USP19: variants seen among roughly 807,000 people sequenced by gnomAD.
USP19 encodes the protein ubiquitin carboxyl-terminal hydrolase 19.
USP19 carries 40 observed loss-of-function variants against 144.8 expected under a neutral mutation model. The observed-to-expected ratio is 0.28, with a 90% confidence interval of 0.21 to 0.36. The LOEUF (loss-of-function observed/expected upper bound fraction) is 0.36, where lower values mean the gene tolerates loss of function less well. Ranked by LOEUF, USP19 falls within the 10% of genes least tolerant of loss-of-function variation. The pLI, the probability that USP19 is intolerant of heterozygous loss-of-function variation, is 1.00. For missense variants in USP19, 1,518 were observed against 1,822.5 expected (o/e 0.83, Z 3.04); for synonymous variants, 701 against 709.3 (o/e 0.99, Z 0.19).
In USP19 at chr3:49,114,084, T is replaced by C; in HGVS notation, c.2413A>G (p.Ser805Gly). The change falls in exon 17 of 27, where the codon AGC becomes GGC. Residue 805 changes from serine (S) to glycine (G), a missense_variant. Around this residue, in one of 5 missense-constraint regions of USP19, gnomAD observed 413 missense variants for 515.8 expected, o/e 0.80. Transcript: ENST00000417901. The surrounding 1 kb of genome is among the most constrained non-coding windows in gnomAD (Gnocchi z 4.5). Reference protein sequence around the residue: ...PHSKPIKFLVSVSKENSTASE... With the variant: ...PHSKPIKFLVGVSKENSTASE... ...GCAGTGGAGTTCTCCTTGCTGACGCTCACCAGGAACTGTGGCAAAAAGGGC... is the reference window on the plus strand; with the variant it reads ...GCAGTGGAGTTCTCCTTGCTGACGCCCACCAGGAACTGTGGCAAAAAGGGC... 1 of 1,614,194 alleles carries C rather than the reference T, an allele frequency of 6.2e-7. No individual in the cohort carries two copies. The highest frequency in any genetic ancestry group is 8.5e-7 in the Non-Finnish European group (1 of 1,180,042).
chr3:49,120,440 C>A (rs1261524747), intron 1 of USP19: 1 of 152,242 alleles, frequency 6.6e-6, no homozygotes, highest in African/African-American at 2.4e-5. Flanking sequence ...CCCGAGCCGG[C>A]CTGAAATGGC....
At position 49,119,111 on chromosome 3, in the gene USP19, C is replaced by G. The variant is rs367787525; in HGVS notation, c.35G>C (p.Arg12Thr). 1 of 1,613,796 alleles carries G rather than the reference C, an allele frequency of 6.2e-7. No homozygotes were observed. Among genetic ancestry groups the G allele is most frequent in the African/African-American group, 1.3e-5 (1 of 75,058 alleles). The change falls in exon 2 of 27, where the codon AGA becomes ACA. Residue 12 changes from arginine (R) to threonine (T), a missense_variant. Arg to Thr is a moderately conservative substitution (Grantham distance 71). Coordinates refer to ENST00000417901, the MANE Select transcript of USP19 (RefSeq NM_001199161.2). Reference protein sequence around the residue: ...SGGASATGPRRGPPGLEDTTS... With the variant: ...SGGASATGPRTGPPGLEDTTS... ...GGTGTCCTCCAGTCCTGGGGGCCCT[C>G]TCCTTGGGCCTGTGGCACTGGCCCC...
At position 49,108,901 on chromosome 3, in the gene USP19, A is replaced by G; in HGVS notation, c.4039-373T>C. The G allele has an allele frequency of 6.5e-7, 1 of 1,547,592 alleles. No individual in the cohort carries two copies. The highest frequency in any genetic ancestry group is 8.7e-7 in the Non-Finnish European group (1 of 1,146,766). ...CAGAGGTGTTCCCCACAACAAAGGCAGGCATGGCCTGGGGCAGGCAGGTAG... is the reference window on the plus strand; with the variant it reads ...CAGAGGTGTTCCCCACAACAAAGGCGGGCATGGCCTGGGGCAGGCAGGTAG... On this transcript the variant is annotated intron_variant, in intron 26 of 26. Coordinates refer to ENST00000417901, the MANE Select transcript of USP19 (RefSeq NM_001199161.2). The surrounding 1 kb of genome is among the most constrained non-coding windows in gnomAD (Gnocchi z 4.8).
Position 49,115,436 on chromosome 3 carries a change from G to A in USP19, c.1888+8C>T. ...GCCCATAACCCAGGCTCCAGGCCCT[G>A]CCCTCACCATGGAAGAAGTCCCGGA... On this transcript the variant is annotated splice_region_variant and intron_variant, in intron 12 of 26. Coordinates refer to ENST00000417901, the MANE Select transcript of USP19 (RefSeq NM_001199161.2). The surrounding 1 kb of genome is among the most constrained non-coding windows in gnomAD (Gnocchi z 6.6). The A allele has an allele frequency of 6.8e-6, 11 of 1,613,910 alleles. No homozygotes were observed. The highest frequency in any genetic ancestry group is 9.3e-6 in the Non-Finnish European group (11 of 1,179,756).
rs772480157 is a variant in USP19, at chr3:49,114,999, G to A, written c.2141C>T (p.Pro714Leu). Reference protein sequence around the residue: ...HEDLNRIQNKPYTETVDSDGR... With the variant: ...HEDLNRIQNKLYTETVDSDGR... ...ATCTGAATCCACGGTCTCTGTGTAG[G>A]GCTTGTTCTGAATGCGATTCAGGTC... Residue 714 changes from proline (P) to leucine (L), a missense_variant, in exon 14 of 27, where the codon CCC (proline) becomes CTC (leucine). Around this residue, in one of 5 missense-constraint regions of USP19, gnomAD observed 158 missense variants for 277.3 expected, o/e 0.57. Transcript: ENST00000417901. This position sits in a 1 kb window ranked among gnomAD's most constrained non-coding sequence, Gnocchi z 4.5. 1.9e-6 allele frequency: 3 copies of A among 1,614,084 alleles called. No homozygotes were observed. Among genetic ancestry groups the A allele is most frequent in the Non-Finnish European group, 2.5e-6 (3 of 1,180,014 alleles).
chr3:49,117,114 T>C lies in USP19; in HGVS notation c.854A>G (p.Asp285Gly). 6.5e-7 allele frequency: 1 copy of C among 1,540,670 alleles called. No homozygotes were observed. The highest frequency in any genetic ancestry group is 8.8e-7 in the Non-Finnish European group (1 of 1,141,730). ...GGCATCACCCCGGGGTCCAGGGTCA[T>C]CCCTGGACCCGTCCCCCTCTGGCCC... ...CRGPEGDGSR[D>G]DPGPRGDAPP... The change falls in exon 6 of 27, where the codon GAT (aspartate) becomes GGT (glycine). Residue 285 changes from aspartate to glycine, a missense_variant. Physicochemically the swap from Asp to Gly is moderately conservative, Grantham distance 94 (BLOSUM62 -1). Around this residue, in one of 5 missense-constraint regions of USP19, gnomAD observed 707 missense variants for 728.9 expected, o/e 0.97. Coordinates refer to ENST00000417901, the MANE Select transcript of USP19 (RefSeq NM_001199161.2). The surrounding 1 kb of genome is among the most constrained non-coding windows in gnomAD (Gnocchi z 4.4).
In USP19 at chr3:49,111,265, T is replaced by C. The variant is rs1449494599; in HGVS notation, c.3318A>G (p.Leu1106=). ...CACAGCCTCAGACACCTTTGTCCTCTAGCCGCTGCTCTCGGTTGGATGAAT... is the reference window on the plus strand; with the variant it reads ...CACAGCCTCAGACACCTTTGTCCTCCAGCCGCTGCTCTCGGTTGGATGAAT... ...KIDSSNREQR[L]EDKGDTPLEL... is the part of the protein sequence containing the mutation. Residue 1106 remains leucine, a synonymous_variant, in exon 22 of 27, where the codon CTA becomes CTG. Coordinates refer to ENST00000417901, the MANE Select transcript of USP19 (RefSeq NM_001199161.2). This position sits in a 1 kb window ranked among gnomAD's most constrained non-coding sequence, Gnocchi z 5.9. 1.2e-6 allele frequency: 2 copies of C among 1,614,014 alleles called. No homozygotes were observed. Among genetic ancestry groups the C allele is most frequent in the Non-Finnish European group, 1.7e-6 (2 of 1,180,024 alleles).
At position 49,116,662 on chromosome 3, in the gene USP19, C is replaced by G; in HGVS notation, c.1127-55G>C. Reference sequence around the variant, plus strand: ...CAGGACAGGTTCCAGCCTATTGCTACTCTCTATCCACCTACAAACTTTGCA... The same window carrying G: ...CAGGACAGGTTCCAGCCTATTGCTAGTCTCTATCCACCTACAAACTTTGCA... On this transcript the variant is annotated intron_variant, in intron 7 of 26. Coordinates refer to ENST00000417901, the MANE Select transcript of USP19 (RefSeq NM_001199161.2). This position sits in a 1 kb window ranked among gnomAD's most constrained non-coding sequence, Gnocchi z 5.0. 6.2e-7 allele frequency: 1 copy of G among 1,611,366 alleles called. No homozygotes were observed. The highest frequency in any genetic ancestry group is 1.3e-5 in the African/African-American group (1 of 74,986).
chr3:49,109,731 A>G (rs907841890), intron 26 of USP19, among the ~76,000 whole-genome samples: 3 of 152,222 alleles, frequency 2.0e-5, no homozygotes, highest in Non-Finnish European at 2.9e-5. Flanking sequence ...GCAAAGACAG[A>G]TGCTTACCTC....
intron 1 of USP19, among the ~76,000 whole-genome samples, chr3:49,120,044 T>C (rs974241694): frequency 6.6e-6 from 1 of 152,194 alleles, no homozygotes; most frequent in Non-Finnish European, 1.5e-5. Context: ...CCTTCACTCA[T>C]GAGCTCTGAG....
At position 49,110,918 on chromosome 3, in the gene USP19, G is replaced by GC; in HGVS notation, c.3545+31dup. The GC allele has an allele frequency of 6.2e-7, 1 of 1,613,730 alleles. No homozygotes were observed. ...AGCAAGTCTCTCTCTTCTCCATCCT[G>GC]CCCCCTTATCTACTTGCTGCTCTGT... On this transcript the variant is annotated intron_variant, in intron 23 of 26. Transcript: ENST00000417901. The surrounding 1 kb of genome is among the most constrained non-coding windows in gnomAD (Gnocchi z 6.1).
At chr3:49,109,136 T>A (rs1200966890) in intron 26 of USP19, 6 of 1,527,582 alleles carry the variant, frequency 3.9e-6, no homozygotes, top group Non-Finnish European at 3.5e-6. Flanking sequence ...CCCAGACCCC[T>A]CAGGCACCGG....
Position 49,112,624 on chromosome 3 carries a change from A to G in USP19, c.2511T>C (p.Ile837=). Reference sequence around the variant, plus strand: ...GGAACACACGATGAAAACGATTCTTAATTACCTGGGGACAGAGAACACACA... The same window carrying G: ...GGAACACACGATGAAAACGATTCTTGATTACCTGGGGACAGAGAACACACA... The part of the protein sequence containing the change: ...KPENLRLAEV[I]KNRFHRVFLP... Residue 837 remains isoleucine (I), a synonymous_variant, in exon 18 of 27, where the codon ATT becomes ATC. Coordinates refer to ENST00000417901, the MANE Select transcript of USP19 (RefSeq NM_001199161.2). The surrounding 1 kb of genome is among the most constrained non-coding windows in gnomAD (Gnocchi z 4.9). 1 of 1,612,796 alleles carries G rather than the reference A, an allele frequency of 6.2e-7. No individual in the cohort carries two copies.
In USP19 at chr3:49,116,219, G is replaced by A. The variant is rs2044098638; in HGVS notation, c.1356-57C>T. ...GAGGAATGAGCATCAGGATAGATGA[G>A]CCAGGGAGATGGAGCCCACGGGGTA... On this transcript the variant is annotated intron_variant, in intron 9 of 26. Coordinates refer to ENST00000417901, the MANE Select transcript of USP19 (RefSeq NM_001199161.2). This position sits in a 1 kb window ranked among gnomAD's most constrained non-coding sequence, Gnocchi z 5.0. 3.1e-6 allele frequency: 5 copies of A among 1,613,618 alleles called. No homozygotes were observed. The Admixed American group carries it at 5.0e-5, about 16-fold the overall frequency.
rs769672750 is a variant in USP19 at position 49,117,491 on chromosome 3, G to C, written c.552C>G (p.Leu184=). The part of the protein sequence containing the change: ...CAKVQTRKGS[L]LHLTLPKKVP... ...CCTTTTTGGGCAGTGTCAGGTGCAG[G>C]AGACTGCCCTTGCGGGTTTGCACTT... The change falls in exon 5 of 27, where the codon CTC becomes CTG. Residue 184 remains leucine, a synonymous_variant. Coordinates refer to ENST00000417901, the MANE Select transcript of USP19 (RefSeq NM_001199161.2). The surrounding 1 kb of genome is among the most constrained non-coding windows in gnomAD (Gnocchi z 4.4). 6.2e-7 allele frequency: 1 copy of C among 1,614,176 alleles called. No homozygotes were observed.
At position 49,115,125 on chromosome 3, in the gene USP19, C is replaced by T. The variant is rs915919900; in HGVS notation, c.2023-8G>A. On this transcript the variant is annotated splice_polypyrimidine_tract_variant and splice_region_variant and intron_variant, in intron 13 of 26. Coordinates refer to ENST00000417901, the MANE Select transcript of USP19 (RefSeq NM_001199161.2). This position sits in a 1 kb window ranked among gnomAD's most constrained non-coding sequence, Gnocchi z 6.6. ...CTTACTCGCCACAATGGCCTGGATA[C>T]AGGAGCCAAGGTGTGAACATGAAGC... The T allele has an allele frequency of 6.2e-7, 1 of 1,613,596 alleles. No individual in the cohort carries two copies. The highest frequency in any genetic ancestry group is 1.6e-4 in the Middle Eastern group (1 of 6,062).
chr3:49,116,003 C>T lies in USP19; in HGVS notation c.1471+44G>A. The T allele has an allele frequency of 6.4e-7, 1 of 1,572,746 alleles. No homozygotes were observed. The highest frequency in any genetic ancestry group is 8.6e-7 in the Non-Finnish European group (1 of 1,162,798). ...GCAGCATGTGACAGGGGTTTGGGTCCTGGTCACGTGGAACTGGGCAATGAA... is the reference window on the plus strand; with the variant it reads ...GCAGCATGTGACAGGGGTTTGGGTCTTGGTCACGTGGAACTGGGCAATGAA... On this transcript the variant is annotated intron_variant, in intron 10 of 26. Coordinates refer to ENST00000417901, the MANE Select transcript of USP19 (RefSeq NM_001199161.2). This position sits in a 1 kb window ranked among gnomAD's most constrained non-coding sequence, Gnocchi z 5.0.
chr3:49,109,770 G>A (rs2042862643), intron 26 of USP19, among the ~76,000 whole-genome samples: 1 of 152,222 alleles, frequency 6.6e-6, no homozygotes, highest in Non-Finnish European at 1.5e-5. Context: ...CAGAGGCCAT[G>A]GCCAGCCCAA....
At position 49,112,109 on chromosome 3, in the gene USP19, G is replaced by A; in HGVS notation, c.2766-61C>T. Reference sequence around the variant, plus strand: ...CCCCATCTCCTATGACTCCATACTGGGGGCTAGTCATAGTCCCTGGGAACT... The same window carrying A: ...CCCCATCTCCTATGACTCCATACTGAGGGCTAGTCATAGTCCCTGGGAACT... On this transcript the variant is annotated intron_variant, in intron 19 of 26. Coordinates refer to ENST00000417901, the MANE Select transcript of USP19 (RefSeq NM_001199161.2). The surrounding 1 kb of genome is among the most constrained non-coding windows in gnomAD (Gnocchi z 4.9). The A allele has an allele frequency of 1.3e-6, 2 of 1,592,984 alleles. No individual in the cohort carries two copies. Among genetic ancestry groups the A allele is most frequent in the African/African-American group, 2.7e-5 (2 of 74,592 alleles).
Sources: allele counts gnomAD v4.1 joint callset (sites outside exome capture counted in the v4.1 genomes callset), GRCh38; gene constraint gnomAD v4.1.1; regional missense constraint gnomAD v4.1.1; non-coding constraint Gnocchi (gnomAD v3.1); transcripts MANE v1.5; gene names NCBI Gene and HGNC (gene_info 2026-07-23, HGNC 2026-07-21).